The following PVT1 variants were observed in gnomAD, a reference collection of about 807,000 sequenced individuals.
PVT1 encodes the protein Pvt1 oncogene.
At chr8:127,960,267 GTTGAT>G (rs1362747343) in intron 3 of PVT1, among the ~76,000 whole-genome samples, 1 of 152,136 alleles carries the variant, frequency 6.6e-6, no homozygotes, top group Non-Finnish European at 1.5e-5. Flanking sequence ...TGATGAATGG[GTTGAT>G]TTGTCCCAGG....
chr8:127,972,306 G>A (rs1167561183), intron 3 of PVT1, among the ~76,000 whole-genome samples: 1 of 152,246 alleles, frequency 6.6e-6, no homozygotes, highest in African/African-American at 2.4e-5. Context: ...AAGTCACTGG[G>A]CTGAGCAGCA....
intron 4 of PVT1, among the ~76,000 whole-genome samples, chr8:128,056,540 C>T (rs1813764883): frequency 6.6e-6 from 1 of 152,192 alleles, no homozygotes; most frequent in South Asian, 2.1e-4. Context: ...AACCTGGGCC[C>T]TGCCCCAGTG....
chr8:128,080,717 A>G (rs1169618129), intron 5 of PVT1, among the ~76,000 whole-genome samples: 1 of 152,136 alleles, frequency 6.6e-6, no homozygotes, highest in Non-Finnish European at 1.5e-5. Context: ...ATTTTAATGG[A>G]GTCCAGGTCA....
intron 4 of PVT1, among the ~76,000 whole-genome samples, chr8:128,042,283 GA>G (rs767727883): frequency 1.3e-4 from 20 of 152,222 alleles, no homozygotes; most frequent in Non-Finnish European, 2.4e-4. Context: ...TATTTTCCAA[GA>G]ACTGTGTAGG....
chr8:128,061,425 TG>T (rs1563678053), intron 4 of PVT1, among the ~76,000 whole-genome samples: 1 of 152,192 alleles, frequency 6.6e-6, no homozygotes, highest in Non-Finnish European at 1.5e-5. Context: ...GTTGTTTCTT[TG>T]GGGGTGGGGC....
At chr8:128,030,914 A>G (rs1813380065) in intron 4 of PVT1, among the ~76,000 whole-genome samples, 1 of 152,362 alleles carries the variant, frequency 6.6e-6, no homozygotes, top group South Asian at 2.1e-4. Flanking sequence ...GCAGGTGTTC[A>G]GTAAATGACT....
At chr8:127,996,850 GCT>G (rs1245880369) in intron 4 of PVT1, among the ~76,000 whole-genome samples, 1 of 151,936 alleles carries the variant, frequency 6.6e-6, no homozygotes, top group Non-Finnish European at 1.5e-5. Flanking sequence ...CCTGAACCTG[GCT>G]CTCTGCTTTG....
chr8:127,992,380 G>A (rs1817053613), intron 4 of PVT1, among the ~76,000 whole-genome samples: 2 of 152,220 alleles, frequency 1.3e-5, no homozygotes, highest in Non-Finnish European at 2.9e-5. Context: ...GCAAGACTCT[G>A]TCTCAAAACA....
At chr8:128,022,411 A>G (rs558621554) in intron 4 of PVT1, among the ~76,000 whole-genome samples, 5 of 152,180 alleles carry the variant, frequency 3.3e-5, no homozygotes, top group Non-Finnish European at 7.4e-5. Flanking sequence ...ATTCAGTGCT[A>G]TTTGCTTTCA....
At chr8:127,806,431 A>C (rs1814530138) in intron 2 of PVT1, among the ~76,000 whole-genome samples, 1 of 152,172 alleles carries the variant, frequency 6.6e-6, no homozygotes, top group South Asian at 2.1e-4. Context: ...ACTGCATGCC[A>C]GCCTGGACAC....
intron 5 of PVT1, among the ~76,000 whole-genome samples, chr8:128,093,691 G>C (rs748772864): frequency 6.6e-6 from 1 of 151,716 alleles, no homozygotes; most frequent in Non-Finnish European, 1.5e-5. Flanking sequence ...AGGCTGGAGC[G>C]CTACAGCACA....
chr8:127,885,389 A>G (rs1202208653), intron 2 of PVT1, among the ~76,000 whole-genome samples: 1 of 152,188 alleles, frequency 6.6e-6, no homozygotes, highest in Non-Finnish European at 1.5e-5. Flanking sequence ...CTTGTAAACA[A>G]CAGAACTTTA....
intron 4 of PVT1, chr8:127,989,296 G>C (rs924741169): frequency 1.3e-5 from 2 of 152,114 alleles, no homozygotes; most frequent in Non-Finnish European, 2.9e-5. Flanking sequence ...ATTAAGGTAA[G>C]CGACTTTATC....
At chr8:127,821,369 TA>T (rs956743031) in intron 2 of PVT1, among the ~76,000 whole-genome samples, 2 of 151,760 alleles carry the variant, frequency 1.3e-5, no homozygotes, top group Non-Finnish European at 2.9e-5. Context: ...AGACTCAGTT[TA>T]AAAAAAAGAA....
rs66807418 is a variant in PVT1 at position 128,044,011 on chromosome 8, A to ATTTT, written n.913-26146_913-26145insTTTT. ...CCGGTTAATTTTTTTATTATTATTT[A>ATTTT]TTTATTTTTTTTTTTTTTTGTAGAG... is the stretch of plus-strand genomic sequence containing the variant. On this transcript the variant is annotated intron_variant and non_coding_transcript_variant, in intron 4 of 10. Transcript: ENST00000651587. 5.6e-3 allele frequency among the ~76,000 whole-genome samples: 549 copies of ATTTT among 97,846 alleles called. 11 individuals carry two copies. Among genetic ancestry groups the ATTTT allele is most frequent in the African/African-American group, 0.017 (508 of 29,608 alleles). The allele number at this position is 97,846 out of a possible 152,430, so 64.2% of individuals were successfully genotyped here. A position where few individuals can be genotyped will look rare whatever the true frequency, so the allele number is the denominator to read the frequency against.
chr8:127,827,292 G>A (rs1026227020), intron 2 of PVT1, among the ~76,000 whole-genome samples: 2 of 152,018 alleles, frequency 1.3e-5, no homozygotes, highest in Non-Finnish European at 2.9e-5. Context: ...CACCACACCC[G>A]ACCTAGCCCC....
chr8:127,896,017 ACTC>A (rs1337433796), intron 3 of PVT1, among the ~76,000 whole-genome samples: 1 of 152,144 alleles, frequency 6.6e-6, no homozygotes, highest in African/African-American at 2.4e-5. Flanking sequence ...AAAGGCAGAA[ACTC>A]CTCCTGGATC....
At chr8:128,040,053 G>A (rs75455158) in intron 4 of PVT1, among the ~76,000 whole-genome samples, 2,363 of 152,276 alleles carry the variant, frequency 0.016, 45 homozygotes, top group East Asian at 0.045. Flanking sequence ...GAATTGTTAT[G>A]TTAGAGATGT....
chr8:128,023,279 A>G (rs958668912), intron 4 of PVT1, among the ~76,000 whole-genome samples: 11 of 152,204 alleles, frequency 7.2e-5, no homozygotes, highest in African/African-American at 2.7e-4. Context: ...AGAATGACAC[A>G]TAGAACATAA....
Sources: gnomAD v4.1 joint callset for allele counts (sites outside exome capture counted in the v4.1 genomes callset) on GRCh38, gnomAD v4.1.1 for gene constraint, MANE v1.5 for transcripts, NCBI Gene and HGNC (gene_info 2026-07-23, HGNC 2026-07-21) for gene names.